Variants in BCAS3 observed in about 807,000 individuals in gnomAD.
BCAS3 encodes BCAS3 microtubule associated cell migration factor.
A neutral mutation model predicts 116.1 loss-of-function variants in BCAS3; 53 were observed. The observed-to-expected ratio is 0.46, with a 90% confidence interval of 0.37 to 0.57. The LOEUF is 0.57. BCAS3 is among the 20% of genes least tolerant of loss of function. The pLI is 0.00. For missense variants in BCAS3, 917 were observed against 1,165.4 expected (o/e 0.79, Z 3.10); for synonymous variants, 391 against 408.2 (o/e 0.96, Z 0.51).
At chr17:60,767,007 G>T (rs9898577) in intron 6 of BCAS3, among the ~76,000 whole-genome samples, 40,064 of 152,040 alleles carry the variant, frequency 0.26, 11,126 homozygotes, top group African/African-American at 0.71. Context: ...CGCAGAGCCA[G>T]GCACGGGATA....
At chr17:60,913,450 G>A (rs1208248362) in intron 12 of BCAS3, among the ~76,000 whole-genome samples, 2 of 151,990 alleles carry the variant, frequency 1.3e-5, no homozygotes, top group African/African-American at 4.8e-5. Context: ...GTATAATTCT[G>A]TCTTTTAATT....
Position 61,256,261 on chromosome 17 carries a change from T to C in BCAS3, c.2426-112066T>C, listed in dbSNP as rs1206140216. On this transcript the variant is annotated intron_variant, in intron 22 of 23. Transcript: ENST00000407086. The surrounding 1 kb of genome is among the most constrained non-coding windows in gnomAD (Gnocchi z 5.6). Reference sequence around the variant, plus strand: ...AGAGGTAGTTTGGTTTTTGTTTGTTTGTTTGTTTGTTTGTTTGTTTTTCAT... The same window carrying C: ...AGAGGTAGTTTGGTTTTTGTTTGTTCGTTTGTTTGTTTGTTTGTTTTTCAT... Among the ~76,000 whole-genome samples, 8 of 151,854 alleles carry C rather than the reference T, an allele frequency of 5.3e-5. No individual in the cohort carries two copies. Among genetic ancestry groups the C allele is most frequent in the Non-Finnish European group, 1.5e-5 (1 of 67,968 alleles).
chr17:60,728,668 C>T (rs558401557), intron 5 of BCAS3, among the ~76,000 whole-genome samples: 12 of 151,964 alleles, frequency 7.9e-5, no homozygotes, highest in East Asian at 5.8e-4. Flanking sequence ...TTAGTAGAGA[C>T]GGGGTTTCAC....
At chr17:61,066,326 C>G (rs933182490) in intron 19 of BCAS3, among the ~76,000 whole-genome samples, 4 of 152,146 alleles carry the variant, frequency 2.6e-5, no homozygotes, top group Non-Finnish European at 5.9e-5. Flanking sequence ...TCATTACTTT[C>G]ATAAATAAGC....
In BCAS3 at chr17:61,136,420, C is replaced by G. The variant is rs1031702199; in HGVS notation, c.2425+51856C>G. Among the ~76,000 whole-genome samples, 2 of 152,158 alleles carry G rather than the reference C, an allele frequency of 1.3e-5. No individual in the cohort carries two copies. Among genetic ancestry groups the G allele is most frequent in the Admixed American group, 6.5e-5 (1 of 15,284 alleles). On this transcript the variant is annotated intron_variant, in intron 22 of 23. Coordinates refer to ENST00000407086, the MANE Select transcript of BCAS3 (RefSeq NM_017679.5). The surrounding 1 kb of genome is among the most constrained non-coding windows in gnomAD (Gnocchi z 4.4). Reference sequence around the variant, plus strand: ...AGTACTGAAGGTATTTTGGACTGGACAATTCTTTGTGTGCAGCTGTTTTAT... The same window carrying G: ...AGTACTGAAGGTATTTTGGACTGGAGAATTCTTTGTGTGCAGCTGTTTTAT...
intron 19 of BCAS3, among the ~76,000 whole-genome samples, chr17:61,058,229 C>T (rs980422682): frequency 3.3e-5 from 5 of 152,230 alleles, no homozygotes; most frequent in African/African-American, 1.2e-4. Flanking sequence ...TCTCTTCTTC[C>T]CCTTATTGTT....
Position 61,341,340 on chromosome 17 carries a change from G to A in BCAS3, c.2426-26987G>A, listed in dbSNP as rs1044751923. Among the ~76,000 whole-genome samples the A allele has an allele frequency of 5.3e-5, 8 of 152,210 alleles. No individual in the cohort carries two copies. The East Asian group carries it at 5.8e-4, about 11-fold the overall frequency. Reference sequence around the variant, plus strand: ...GTCAGCCACCACAGGAGAGGACTCCGGGGCAGGCGGTGTCCTCAGAGGAGA... The same window carrying A: ...GTCAGCCACCACAGGAGAGGACTCCAGGGCAGGCGGTGTCCTCAGAGGAGA... On this transcript the variant is annotated intron_variant, in intron 22 of 23. Coordinates refer to ENST00000407086, the MANE Select transcript of BCAS3 (RefSeq NM_017679.5).
Position 61,344,945 on chromosome 17 carries a change from A to ACACG in BCAS3, c.2426-23378_2426-23375dup, listed in dbSNP as rs2057413016. Among the ~76,000 whole-genome samples the ACACG allele has an allele frequency of 6.6e-6, 1 of 151,998 alleles. No homozygotes were observed. Among genetic ancestry groups the ACACG allele is most frequent in the African/African-American group, 2.4e-5 (1 of 41,364 alleles). The stretch of plus-strand genomic sequence containing the variant: ...CACACACACACACATACACACACAC[A>ACACG]CACGCACACCCCTCACAGAAAAATA... On this transcript the variant is annotated intron_variant, in intron 22 of 23. Transcript: ENST00000407086. The surrounding 1 kb of genome is among the most constrained non-coding windows in gnomAD (Gnocchi z 4.1).
At chr17:61,340,491 G>A (rs1277186513) in intron 22 of BCAS3, among the ~76,000 whole-genome samples, 1 of 152,202 alleles carries the variant, frequency 6.6e-6, no homozygotes, top group Non-Finnish European at 1.5e-5. Flanking sequence ...AATCATTTAG[G>A]AGGGTGAAAG....
At chr17:60,840,949 G>C (rs1001626384) in intron 7 of BCAS3, among the ~76,000 whole-genome samples, 1 of 152,136 alleles carries the variant, frequency 6.6e-6, no homozygotes, top group African/African-American at 2.4e-5. Flanking sequence ...ATAAAAGTGA[G>C]TTAGAATTCC....
At chr17:60,702,720 A>G (rs973693926) in intron 4 of BCAS3, among the ~76,000 whole-genome samples, 1 of 152,024 alleles carries the variant, frequency 6.6e-6, no homozygotes, top group African/African-American at 2.4e-5. Context: ...CTCCGAAGTA[A>G]CTGGGACTGT....
intron 22 of BCAS3, among the ~76,000 whole-genome samples, chr17:61,112,902 G>A (rs988802724): frequency 9.3e-5 from 14 of 150,474 alleles, no homozygotes; most frequent in South Asian, 2.1e-4. Context: ...AGACCACAGT[G>A]CAATCAAACT....
chr17:61,160,486 T>C (rs569380427), intron 22 of BCAS3, among the ~76,000 whole-genome samples: 2 of 152,302 alleles, frequency 1.3e-5, no homozygotes, highest in South Asian at 4.1e-4. Context: ...CTGCATGGTA[T>C]GCTTGGCAAG....
Position 61,344,732 on chromosome 17 carries a change from T to C in BCAS3, c.2426-23595T>C, listed in dbSNP as rs1035122320. On this transcript the variant is annotated intron_variant, in intron 22 of 23. Coordinates refer to ENST00000407086, the MANE Select transcript of BCAS3 (RefSeq NM_017679.5). This position sits in a 1 kb window ranked among gnomAD's most constrained non-coding sequence, Gnocchi z 4.1. ...CCCTGGGGTGAAAGGAAGGAGGTTG[T>C]TGGAGGGACTGAGGGAGGTTCATCA... Among the ~76,000 whole-genome samples the C allele has an allele frequency of 6.6e-6, 1 of 151,824 alleles. No homozygotes were observed. Among genetic ancestry groups the C allele is most frequent in the African/African-American group, 2.4e-5 (1 of 41,306 alleles).
intron 22 of BCAS3, among the ~76,000 whole-genome samples, chr17:61,247,625 C>T (rs2048075167): frequency 6.6e-6 from 1 of 152,294 alleles, no homozygotes; most frequent in Non-Finnish European, 1.5e-5. Context: ...GACCATGTGC[C>T]AAGTCCCTTA....
chr17:61,236,534 G>A (rs558346586), intron 22 of BCAS3, among the ~76,000 whole-genome samples: 84 of 152,040 alleles, frequency 5.5e-4, no homozygotes, highest in Non-Finnish European at 1.2e-3. Flanking sequence ...GTTAGCCAGG[G>A]TGGTCTCGAT....
intron 6 of BCAS3, among the ~76,000 whole-genome samples, chr17:60,758,571 G>A (rs1181956057): frequency 6.6e-6 from 1 of 152,106 alleles, no homozygotes; most frequent in East Asian, 1.9e-4. Context: ...TGGTAGAGAC[G>A]GAGTTTTGTC....
At chr17:60,683,877 C>A (rs2033631057) in intron 2 of BCAS3, 105 bp from the exon 3 acceptor site, 3 of 1,010,916 alleles carry the variant, frequency 3.0e-6, no homozygotes, top group Admixed American at 2.4e-5. Context: ...AAAAAACAAA[C>A]AACAACAAAA....
At chr17:60,849,635 A>C (rs79378385) in intron 7 of BCAS3, among the ~76,000 whole-genome samples, 3,660 of 152,290 alleles carry the variant, frequency 0.024, 66 homozygotes, top group Non-Finnish European at 0.042. Flanking sequence ...AGTGGTGCCT[A>C]GTACTGGTTT....
Sources: gnomAD v4.1 joint callset for allele counts (sites outside exome capture counted in the v4.1 genomes callset) on GRCh38, gnomAD v4.1.1 for gene constraint, Gnocchi (gnomAD v3.1) non-coding constraint, MANE v1.5 for transcripts, NCBI Gene and HGNC (gene_info 2026-07-23, HGNC 2026-07-21) for gene names.